TAFA5: variants seen among roughly 807,000 people sequenced by gnomAD.
The protein encoded by TAFA5 is TAFA chemokine like family member 5, also known as chemokine-like protein TAFA-5.
In TAFA5, 6 loss-of-function variants were observed where a neutral mutation model predicts 15.3. The ratio of observed to expected loss-of-function variants is 0.39; its 90% CI spans 0.21 to 0.77. The LOEUF is 0.77. Ranked by LOEUF, TAFA5 falls within the 30% of genes least tolerant of loss-of-function variation. The probability of loss-of-function intolerance (pLI) is 0.41; values close to 1 mark genes in which losing one functional copy is unlikely to be tolerated. For synonymous variants in TAFA5, 103 were observed against 80.7 expected, an observed-to-expected ratio of 1.28 and a Z score of -1.48; for missense variants, 161 against 193.1, an observed-to-expected ratio of 0.83 and a Z score of 0.98.
At chr22:48,642,383 C>A (rs934802779) in intron 1 of TAFA5, among the ~76,000 whole-genome samples, 1 of 152,230 alleles carries the variant, frequency 6.6e-6, no homozygotes, top group African/African-American at 2.4e-5. Context: ...GCCCCACAGG[C>A]AGCCCTGGTG....
At chr22:48,629,838 CT>C (rs1208652600) in intron 1 of TAFA5, among the ~76,000 whole-genome samples, 3 of 152,234 alleles carry the variant, frequency 2.0e-5, no homozygotes, top group African/African-American at 7.2e-5. Context: ...TCACAGCCCC[CT>C]GGATGGGAGA....
chr22:48,646,746 G>A lies in TAFA5; in HGVS notation c.262G>A (p.Ala88Thr). The A allele has an allele frequency of 3.2e-6, 5 of 1,573,992 alleles. No individual in the cohort carries two copies. Among genetic ancestry groups the A allele is most frequent in the East Asian group, 2.3e-5 (1 of 43,462 alleles). ...TTRARPACVDARIIKTKQWCD... is the reference protein window; with the variant it reads ...TTRARPACVDTRIIKTKQWCD... ...GAGAGCCCGGCCCGCCTGTGTGGAC[G>A]GTAAGCACCCGTGGCCCCAGGACCC... The change falls in exon 2 of 4, where the codon GCA becomes ACA. Residue 88 changes from alanine to threonine, a missense_variant and splice_region_variant. Transcript: ENST00000402357.
chr22:48,513,332 C>G (rs1016654391), intron 1 of TAFA5, among the ~76,000 whole-genome samples: 5 of 152,198 alleles, frequency 3.3e-5, no homozygotes, highest in African/African-American at 1.2e-4. Context: ...TGTTACAGGC[C>G]GTTTTGCTTC....
chr22:48,619,508 A>G (rs1327323122), intron 1 of TAFA5, among the ~76,000 whole-genome samples: 1 of 152,162 alleles, frequency 6.6e-6, no homozygotes. Context: ...GGTGCCCACC[A>G]CCACACCCAG....
Position 48,694,474 on chromosome 22 carries a change from CAG to C in TAFA5, c.263-13239_263-13238del, listed in dbSNP as rs1409997519. ...AGGAGGCTCTTCTGGAGGTGTGGGACAGAGACTCCTCCCAGAAACACGGGCGC... is the reference window on the plus strand; with the variant it reads ...AGGAGGCTCTTCTGGAGGTGTGGGACAGACTCCTCCCAGAAACACGGGCGC... On this transcript the variant is annotated intron_variant, in intron 2 of 3. Transcript: ENST00000402357. Among the ~76,000 whole-genome samples, 7 of 152,218 alleles carry C rather than the reference CAG, an allele frequency of 4.6e-5. No individual in the cohort carries two copies. In the East Asian group the frequency reaches 1.4e-3, roughly 30 times the overall value.
At chr22:48,628,648 G>A (rs1209989735) in intron 1 of TAFA5, among the ~76,000 whole-genome samples, 1 of 152,178 alleles carries the variant, frequency 6.6e-6, no homozygotes, top group South Asian at 2.1e-4. Context: ...TGAGCTGGAC[G>A]AGCTTGGAGA....
chr22:48,716,735 C>T (rs1016785188), intron 3 of TAFA5, among the ~76,000 whole-genome samples: 14 of 152,150 alleles, frequency 9.2e-5, no homozygotes, highest in Admixed American at 7.2e-4. Context: ...CATACACACA[C>T]GTATATGTCT....
At chr22:48,620,240 C>G (rs1925754313) in intron 1 of TAFA5, among the ~76,000 whole-genome samples, 1 of 152,096 alleles carries the variant, frequency 6.6e-6, no homozygotes, top group Admixed American at 6.5e-5. Context: ...ACCTCTCCCT[C>G]CACAGGGCCT....
chr22:48,716,416 G>A (rs1182272403), intron 3 of TAFA5, among the ~76,000 whole-genome samples: 3 of 152,180 alleles, frequency 2.0e-5, no homozygotes, highest in Non-Finnish European at 4.4e-5. Context: ...ACTAACACAG[G>A]AACAGAAAAC....
chr22:48,642,786 T>G (rs1383489888), intron 1 of TAFA5, among the ~76,000 whole-genome samples: 4 of 151,896 alleles, frequency 2.6e-5, no homozygotes, highest in African/African-American at 9.7e-5. Flanking sequence ...CATTCACATG[T>G]GGGGGGTGTG....
At chr22:48,671,240 C>T (rs1927794637) in intron 2 of TAFA5, among the ~76,000 whole-genome samples, 1 of 152,168 alleles carries the variant, frequency 6.6e-6, no homozygotes, top group Admixed American at 6.5e-5. Flanking sequence ...CCAGGAGGAC[C>T]AGAATGAGCA....
chr22:48,564,094 C>A (rs1050499980), intron 1 of TAFA5, among the ~76,000 whole-genome samples: 1 of 152,212 alleles, frequency 6.6e-6, no homozygotes, highest in Admixed American at 6.5e-5. Flanking sequence ...GTGGAGCGGG[C>A]GGGGAGTGCG....
chr22:48,637,675 C>T (rs981889905), intron 1 of TAFA5, among the ~76,000 whole-genome samples: 4 of 152,128 alleles, frequency 2.6e-5, no homozygotes, highest in East Asian at 1.9e-4. Context: ...TTGTGTGTTT[C>T]GGGTGTGCGC....
chr22:48,701,201 G>A (rs1393483777), intron 2 of TAFA5, among the ~76,000 whole-genome samples: 1 of 152,176 alleles, frequency 6.6e-6, no homozygotes, highest in African/African-American at 2.4e-5. Context: ...GAGGGTAGAG[G>A]CCCCTGTCTG....
Position 48,739,715 on chromosome 22 carries a change from G to T in TAFA5, c.391-10124G>T, listed in dbSNP as rs1343619938. ...AGGATGAAGTGTTGAGCAGATCTGG[G>T]GAGGAGCATGTGATGGCTCCGCCTG... On this transcript the variant is annotated intron_variant, in intron 3 of 3. Coordinates refer to ENST00000402357, the MANE Select transcript of TAFA5 (RefSeq NM_001082967.3). Among the ~76,000 whole-genome samples the T allele has an allele frequency of 2.0e-5, 3 of 152,292 alleles. No homozygotes were observed. In the East Asian group the frequency reaches 5.8e-4, roughly 29 times the overall value.
chr22:48,614,916 C>T (rs943151669), intron 1 of TAFA5, among the ~76,000 whole-genome samples: 1 of 152,138 alleles, frequency 6.6e-6, no homozygotes, highest in Non-Finnish European at 1.5e-5. Context: ...GCAGAGCGGG[C>T]CTGGCCTCCC....
At chr22:48,620,215 T>C (rs1925753205) in intron 1 of TAFA5, among the ~76,000 whole-genome samples, 1 of 152,022 alleles carries the variant, frequency 6.6e-6, no homozygotes, top group Admixed American at 6.6e-5. Context: ...GTGTCCTCTC[T>C]GGTGAACTCC....
chr22:48,668,938 C>G (rs1197721098), intron 2 of TAFA5, among the ~76,000 whole-genome samples: 2 of 152,214 alleles, frequency 1.3e-5, no homozygotes, highest in Non-Finnish European at 2.9e-5. Flanking sequence ...TGCCATGGTC[C>G]CAGTGCTGGC....
chr22:48,576,501 C>T (rs1326485154), intron 1 of TAFA5: 1 of 1,495,014 alleles, frequency 6.7e-7, no homozygotes, highest in Non-Finnish European at 9.0e-7. Flanking sequence ...TGAAGGCGCT[C>T]TGGGCACTGG....
Sources: allele counts gnomAD v4.1 joint callset (sites outside exome capture counted in the v4.1 genomes callset), GRCh38; gene constraint gnomAD v4.1.1; transcripts MANE v1.5; gene names NCBI Gene and HGNC (gene_info 2026-07-23, HGNC 2026-07-21).